Variants in DACH1 observed in about 807,000 individuals in gnomAD.
The protein encoded by DACH1 is dachshund homolog 1.
A neutral mutation model predicts 54.2 loss-of-function variants in DACH1; 12 were observed. That is an observed-to-expected ratio of 0.22 (90% CI 0.14 to 0.36). The LOEUF is 0.36. Among genes scored for constraint, DACH1 ranks in the 10% least tolerant of loss-of-function variants. The pLI is 1.00. For synonymous variants in DACH1, 386 were observed against 366.2 expected (o/e 1.05, Z -0.62); for missense variants, 805 against 929.8 (o/e 0.87, Z 1.75).
intron 1 of DACH1, among the ~76,000 whole-genome samples, chr13:71,843,644 A>T (rs1314626046): frequency 6.6e-6 from 1 of 152,136 alleles, no homozygotes; most frequent in African/African-American, 2.4e-5. Flanking sequence ...CTATGTTCCA[A>T]ATTTTCCACA....
rs1389653148 is a variant in DACH1 at position 71,681,714 on chromosome 13, G to A, written c.964+81C>T. ...AATATAATTGATGTGTGTAAATATC[G>A]ATGTCACCACAGATATATATAAAAG... On this transcript the variant is annotated intron_variant, in intron 2 of 10. Coordinates refer to ENST00000613252, the MANE Select transcript of DACH1 (RefSeq NM_080759.6). The A allele has an allele frequency of 6.8e-6, 6 of 883,818 alleles. No individual in the cohort carries two copies. In the East Asian group the frequency reaches 1.5e-4, roughly 22 times the overall value. 54.7% of individuals were successfully genotyped at this position (883,818 alleles called of 1,614,324 possible). A position where few individuals can be genotyped will look rare whatever the true frequency, so the allele number is the denominator to read the frequency against.
chr13:71,792,002 C>T (rs1025456015), intron 1 of DACH1, among the ~76,000 whole-genome samples: 2 of 152,136 alleles, frequency 1.3e-5, no homozygotes, highest in East Asian at 3.9e-4. Flanking sequence ...AACTGTATCA[C>T]TCATTTGGTA....
intron 6 of DACH1, among the ~76,000 whole-genome samples, chr13:71,507,752 G>C (rs1474027130): frequency 6.6e-6 from 1 of 152,066 alleles, no homozygotes; most frequent in Non-Finnish European, 1.5e-5. Context: ...GCATGGCTAA[G>C]GTTTTAATAT....
intron 1 of DACH1, among the ~76,000 whole-genome samples, chr13:71,786,233 T>C (rs759293530): frequency 1.3e-5 from 2 of 152,208 alleles, no homozygotes; most frequent in Non-Finnish European, 2.9e-5. Context: ...CTTATGCACA[T>C]GTGCATGTAA....
intron 1 of DACH1, among the ~76,000 whole-genome samples, chr13:71,767,177 AATT>A (rs1311193305): frequency 1.3e-5 from 2 of 151,944 alleles, no homozygotes; most frequent in Non-Finnish European, 2.9e-5. Context: ...AGTTAATATT[AATT>A]ATTATCAATA....
intron 8 of DACH1, among the ~76,000 whole-genome samples, chr13:71,477,925 G>A (rs771951905): frequency 4.7e-4 from 72 of 152,138 alleles, no homozygotes; most frequent in Non-Finnish European, 9.8e-4. Flanking sequence ...TGTGATCTGT[G>A]AATGTTTTGC....
intron 3 of DACH1, among the ~76,000 whole-genome samples, chr13:71,614,819 A>ACC: frequency 7.2e-6 from 1 of 138,630 alleles, no homozygotes; most frequent in Non-Finnish European, 1.5e-5. Context: ...GCACCATTGC[A>ACC]CCCCAGCCTG....
In DACH1 at chr13:71,866,567, G is replaced by T. The variant is rs746759872; in HGVS notation, c.203C>A (p.Ala68Asp). The change falls in exon 1 of 11, where the codon GCC becomes GAC. Residue 68 changes from alanine to aspartate, a missense_variant. This residue lies in a region of DACH1 where 305 missense variants were observed against 308.7 expected (regional missense o/e 0.99). Coordinates refer to ENST00000613252, the MANE Select transcript of DACH1 (RefSeq NM_080759.6). ...EPIASAAAAA[A>D]TVTSTGGGGG... ...GCCGCCGCCGGTAGAGGTGACTGTGGCCGCCGCCGCCGCCGCCGAAGCGAT... is the reference window on the plus strand; with the variant it reads ...GCCGCCGCCGGTAGAGGTGACTGTGTCCGCCGCCGCCGCCGCCGAAGCGAT... The T allele has an allele frequency of 2.4e-6, 3 of 1,225,972 alleles. No individual in the cohort carries two copies. The Admixed American group carries it at 1.3e-4, about 51-fold the overall frequency. The allele number at this position is 1,225,972 out of a possible 1,614,324, so 75.9% of individuals were successfully genotyped here.
In DACH1 at chr13:71,775,227, C is replaced by T. The variant is rs556625692; in HGVS notation, c.848+90695G>A. Among the ~76,000 whole-genome samples the T allele has an allele frequency of 1.1e-4, 16 of 139,344 alleles. 1 individual carries two copies. The South Asian group carries it at 3.2e-3, about 28-fold the overall frequency. 91.4% of individuals were successfully genotyped at this position (139,344 alleles called of 152,430 possible). A position where few individuals can be genotyped will look rare whatever the true frequency, so the allele number is the denominator to read the frequency against. Reference sequence around the variant, plus strand: ...CTGAGGCAGGAGGATTATTTAAGCCCAGGAGCTTGAGGCTATAGTGAGCCA... The same window carrying T: ...CTGAGGCAGGAGGATTATTTAAGCCTAGGAGCTTGAGGCTATAGTGAGCCA... On this transcript the variant is annotated intron_variant, in intron 1 of 10. Coordinates refer to ENST00000613252, the MANE Select transcript of DACH1 (RefSeq NM_080759.6).
chr13:71,718,931 G>C (rs1313770427), intron 1 of DACH1, among the ~76,000 whole-genome samples: 5 of 152,050 alleles, frequency 3.3e-5, no homozygotes, highest in Non-Finnish European at 7.4e-5. Flanking sequence ...ATTGCTTTTA[G>C]AATAAAAATT....
intron 3 of DACH1, among the ~76,000 whole-genome samples, chr13:71,599,050 C>T (rs943591691): frequency 1.3e-5 from 2 of 151,954 alleles, no homozygotes; most frequent in African/African-American, 4.8e-5. Context: ...CTAAACATGT[C>T]ATTTTTCTAA....
chr13:71,854,355 G>C lies in DACH1; in HGVS notation c.848+11567C>G, dbSNP rs994629171. 7.2e-5 allele frequency among the ~76,000 whole-genome samples: 11 copies of C among 152,124 alleles called. No homozygotes were observed. The South Asian group carries it at 2.3e-3, about 32-fold the overall frequency. ...TGGGTTATGATAATTTGGATGACAA[G>C]GGTATGTAAGAAGATGAAATTTAGT... On this transcript the variant is annotated intron_variant, in intron 1 of 10. Coordinates refer to ENST00000613252, the MANE Select transcript of DACH1 (RefSeq NM_080759.6).
chr13:71,785,841 T>A (rs770808360), intron 1 of DACH1, among the ~76,000 whole-genome samples: 5 of 152,232 alleles, frequency 3.3e-5, no homozygotes, highest in Non-Finnish European at 7.3e-5. Flanking sequence ...AATCCCATGC[T>A]ACTTTCTTCT....
rs1878037890 is a variant in DACH1 at position 71,643,291 on chromosome 13, A to T, written c.965-12574T>A. Among the ~76,000 whole-genome samples the T allele has an allele frequency of 2.0e-5, 3 of 152,220 alleles. 1 individual carries two copies. In the South Asian group the frequency reaches 6.2e-4, roughly 32 times the overall value. ...TATGTGGCATAATGACATGTATGAC[A>T]GTCCTACAAAGAGTTTCAAAAGCTT... is the stretch of plus-strand genomic sequence containing the variant. On this transcript the variant is annotated intron_variant, in intron 2 of 10. Transcript: ENST00000613252.
At chr13:71,796,711 T>G (rs1243522155) in intron 1 of DACH1, among the ~76,000 whole-genome samples, 1 of 152,076 alleles carries the variant, frequency 6.6e-6, no homozygotes, top group East Asian at 1.9e-4. Context: ...TAGAGACACA[T>G]CACACACTTT....
chr13:71,656,063 G>T (rs897872453), intron 2 of DACH1, among the ~76,000 whole-genome samples: 1 of 152,308 alleles, frequency 6.6e-6, no homozygotes, highest in South Asian at 2.1e-4. Context: ...TTTAAAGTAA[G>T]TTATTTGGGA....
intron 1 of DACH1, among the ~76,000 whole-genome samples, chr13:71,703,986 T>A (rs190859941): frequency 6.6e-6 from 1 of 152,304 alleles, no homozygotes; most frequent in Admixed American, 6.5e-5. Context: ...GAAAAAATTT[T>A]ACTGAGTTCA....
chr13:71,452,779 T>C (rs1875186148), intron 10 of DACH1, among the ~76,000 whole-genome samples: 2 of 152,238 alleles, frequency 1.3e-5, no homozygotes, highest in African/African-American at 4.8e-5. Context: ...AAATTTACAA[T>C]TGTAAAGTTT....
chr13:71,574,007 A>C (rs1281881215), intron 3 of DACH1, among the ~76,000 whole-genome samples: 3 of 152,218 alleles, frequency 2.0e-5, no homozygotes, highest in Admixed American at 6.5e-5. Context: ...AAATGAAGCC[A>C]TTAAACGTCC....
Sources: allele counts gnomAD v4.1 joint callset (sites outside exome capture counted in the v4.1 genomes callset), GRCh38; gene constraint gnomAD v4.1.1; regional missense constraint gnomAD v4.1.1; transcripts MANE v1.5; gene names NCBI Gene and HGNC (gene_info 2026-07-23, HGNC 2026-07-21).